Variants in PRKN observed in about 807,000 individuals in gnomAD.
PRKN encodes parkin RBR E3 ubiquitin protein ligase.
In PRKN, 56 loss-of-function variants were observed where a neutral mutation model predicts 59.5. The ratio of observed to expected loss-of-function variants is 0.94; its 90% CI spans 0.76 to 1.18. The LOEUF (loss-of-function observed/expected upper bound fraction) is 1.18, where lower values mean the gene tolerates loss of function less well. PRKN is among the 50% of genes most tolerant of loss of function. The pLI is 0.00. For synonymous variants in PRKN, 250 were observed against 222.1 expected (o/e 1.13, Z -1.12); for missense variants, 657 against 596.4 (o/e 1.10, Z -1.06).
rs572929813 is a variant in PRKN, at chr6:161,379,573, G to A, written c.1167+7221C>T. Among the ~76,000 whole-genome samples, 2 of 152,182 alleles carry A rather than the reference G, an allele frequency of 1.3e-5. No homozygotes were observed. Among genetic ancestry groups the A allele is most frequent in the Non-Finnish European group, 2.9e-5 (2 of 68,028 alleles). On this transcript the variant is annotated intron_variant, in intron 10 of 11. Coordinates refer to ENST00000366898, the MANE Select transcript of PRKN (RefSeq NM_004562.3). The surrounding 1 kb of genome is among the most constrained non-coding windows in gnomAD (Gnocchi z 4.9). ...TCCGCAGCAGACAGCTCTCTGCCAAGTCTCTACCCGGGAAGTGCCCCCAGC... is the reference window on the plus strand; with the variant it reads ...TCCGCAGCAGACAGCTCTCTGCCAAATCTCTACCCGGGAAGTGCCCCCAGC...
intron 5 of PRKN, among the ~76,000 whole-genome samples, chr6:161,991,950 T>C (rs1237419672): frequency 1.3e-5 from 2 of 152,060 alleles, no homozygotes; most frequent in African/African-American, 4.8e-5. Flanking sequence ...AGTGAAAGGA[T>C]AGAAAAAGTC....
chr6:161,746,954 ATATAAT>A (rs564131424), intron 7 of PRKN, among the ~76,000 whole-genome samples: 11 of 152,000 alleles, frequency 7.2e-5, no homozygotes, highest in South Asian at 2.1e-4. Flanking sequence ...TTATCCACAA[ATATAAT>A]TATAATTATA....
intron 9 of PRKN, among the ~76,000 whole-genome samples, chr6:161,508,659 C>T (rs959626604): frequency 6.6e-6 from 1 of 152,156 alleles, no homozygotes; most frequent in East Asian, 1.9e-4. Flanking sequence ...TCCAATTCCT[C>T]AAGCCGATCC....
In PRKN at chr6:161,456,444, G is replaced by A. The variant is rs558347801; in HGVS notation, c.1084-69567C>T. 5.9e-3 allele frequency among the ~76,000 whole-genome samples: 895 copies of A among 152,266 alleles called. 11 individuals carry two copies. Among genetic ancestry groups the A allele is most frequent in the African/African-American group, 0.021 (864 of 41,548 alleles). ...GCCACAGACTGAAGGCTGCACTGTC[G>A]GCTTCCCTACTTTTGAGGTTTTGGG... On this transcript the variant is annotated intron_variant, in intron 9 of 11. Transcript: ENST00000366898. This position sits in a 1 kb window ranked among gnomAD's most constrained non-coding sequence, Gnocchi z 4.8.
At chr6:162,052,125 C>T (rs554654593) in intron 5 of PRKN, among the ~76,000 whole-genome samples, 1 of 152,142 alleles carries the variant, frequency 6.6e-6, no homozygotes, top group South Asian at 2.1e-4. Flanking sequence ...TTTAAGTTCT[C>T]TTTTATTTTT....
intron 7 of PRKN, among the ~76,000 whole-genome samples, chr6:161,614,925 C>T (rs573943333): frequency 2.0e-5 from 3 of 151,574 alleles, no homozygotes; most frequent in Non-Finnish European, 4.4e-5. Context: ...TTGGCAACAA[C>T]AGCAGTTTCT....
chr6:162,029,017 A>G (rs555811253), intron 5 of PRKN, among the ~76,000 whole-genome samples: 11 of 152,320 alleles, frequency 7.2e-5, no homozygotes, highest in African/African-American at 2.6e-4. Flanking sequence ...TGGAACAAAC[A>G]TATGTCATTG....
At chr6:162,140,857 A>G (rs1781748238) in intron 4 of PRKN, among the ~76,000 whole-genome samples, 1 of 152,196 alleles carries the variant, frequency 6.6e-6, no homozygotes, top group African/African-American at 2.4e-5. Flanking sequence ...GGCCGGGTGC[A>G]GTGGCTCACG....
intron 7 of PRKN, among the ~76,000 whole-genome samples, chr6:161,619,238 A>AT (rs1782802472): frequency 8.0e-6 from 1 of 124,870 alleles, no homozygotes; most frequent in Non-Finnish European, 1.7e-5. Flanking sequence ...AACTGTCTTC[A>AT]TTAAAAAAAA....
chr6:161,758,533 T>A (rs1789049244), intron 7 of PRKN, among the ~76,000 whole-genome samples: 1 of 152,158 alleles, frequency 6.6e-6, no homozygotes, highest in Admixed American at 6.5e-5. Context: ...AACAAATAAA[T>A]AATTGCTTGG....
At chr6:162,034,184 T>TAGAGAGAGAGAG (rs763053180) in intron 5 of PRKN, among the ~76,000 whole-genome samples, 5 of 122,800 alleles carry the variant, frequency 4.1e-5, no homozygotes, top group Admixed American at 8.3e-5. Context: ...TATATATATA[T>TAGAGAGAGAGAG]ATAGAGAGAG....
At chr6:161,615,795 C>T (rs897705677) in intron 7 of PRKN, among the ~76,000 whole-genome samples, 1 of 152,242 alleles carries the variant, frequency 6.6e-6, no homozygotes, top group Non-Finnish European at 1.5e-5. Flanking sequence ...GTGGCTGCAA[C>T]GTGGACCTGA....
intron 6 of PRKN, among the ~76,000 whole-genome samples, chr6:161,937,391 CTG>C (rs1028459700): frequency 3.3e-5 from 5 of 152,204 alleles, no homozygotes; most frequent in African/African-American, 1.2e-4. Flanking sequence ...ATTCTCCAAA[CTG>C]AAAGTATTGG....
chr6:161,727,444 T>C lies in PRKN; in HGVS notation c.871+58328A>G, dbSNP rs940548551. 2.6e-5 allele frequency among the ~76,000 whole-genome samples: 4 copies of C among 152,296 alleles called. No individual in the cohort carries two copies. In the South Asian group the frequency reaches 6.2e-4, roughly 24 times the overall value. On this transcript the variant is annotated intron_variant, in intron 7 of 11. Coordinates refer to ENST00000366898, the MANE Select transcript of PRKN (RefSeq NM_004562.3). Reference sequence around the variant, plus strand: ...GGCCTAATGTGCTCATGAGAGGGGATTGCTTTTAGATAACAAGGATGTAAT... The same window carrying C: ...GGCCTAATGTGCTCATGAGAGGGGACTGCTTTTAGATAACAAGGATGTAAT...
chr6:162,108,097 G>A (rs1054493615), intron 4 of PRKN, among the ~76,000 whole-genome samples: 3 of 152,034 alleles, frequency 2.0e-5, no homozygotes, highest in East Asian at 1.9e-4. Flanking sequence ...GAACACCTAC[G>A]TTCAGTTTGC....
Position 161,355,889 on chromosome 6 carries a change from A to G in PRKN, c.1285+4199T>C, listed in dbSNP as rs1784728764. 6.6e-6 allele frequency among the ~76,000 whole-genome samples: 1 copy of G among 152,134 alleles called. No homozygotes were observed. The highest frequency in any genetic ancestry group is 1.5e-5 in the Non-Finnish European group (1 of 68,028). On this transcript the variant is annotated intron_variant, in intron 11 of 11. Coordinates refer to ENST00000366898, the MANE Select transcript of PRKN (RefSeq NM_004562.3). The surrounding 1 kb of genome is among the most constrained non-coding windows in gnomAD (Gnocchi z 6.8). ...AAGTGGTGCTATGAAATTATTATTAAACTGGTGGGTGGGACTCGTTGGGTA... is the reference window on the plus strand; with the variant it reads ...AAGTGGTGCTATGAAATTATTATTAGACTGGTGGGTGGGACTCGTTGGGTA...
At chr6:161,424,089 C>A (rs1279271606) in intron 9 of PRKN, among the ~76,000 whole-genome samples, 1 of 152,130 alleles carries the variant, frequency 6.6e-6, no homozygotes, top group Non-Finnish European at 1.5e-5. Flanking sequence ...GTAATCCCAG[C>A]ACTTTCGGAG....
chr6:162,462,450 C>T (rs573148810), intron 1 of PRKN, among the ~76,000 whole-genome samples: 7 of 152,222 alleles, frequency 4.6e-5, no homozygotes, highest in African/African-American at 7.2e-5. Context: ...AAACATCAGA[C>T]CTATTTCATT....
chr6:161,398,617 T>C (rs1425071491), intron 9 of PRKN, among the ~76,000 whole-genome samples: 1 of 152,162 alleles, frequency 6.6e-6, no homozygotes, highest in Non-Finnish European at 1.5e-5. Flanking sequence ...GTATGTAATT[T>C]CCAGTTTCAG....
Sources: gnomAD v4.1 joint callset for allele counts (sites outside exome capture counted in the v4.1 genomes callset) on GRCh38, gnomAD v4.1.1 for gene constraint, Gnocchi (gnomAD v3.1) non-coding constraint, MANE v1.5 for transcripts, NCBI Gene and HGNC (gene_info 2026-07-23, HGNC 2026-07-21) for gene names.